The following AFDN variants were observed in gnomAD, a reference collection of about 807,000 sequenced individuals.
The protein encoded by AFDN is afadin.
In AFDN, 68 loss-of-function variants were observed where a neutral mutation model predicts 216.6. The observed-to-expected ratio is 0.31, with a 90% CI of 0.26 to 0.38. AFDN has a LOEUF of 0.38. Among genes scored for constraint, AFDN ranks in the 10% least tolerant of loss-of-function variants. The pLI, the probability that AFDN is intolerant of heterozygous loss-of-function variation, is 1.00. For synonymous variants in AFDN, 868 were observed against 853.7 expected (o/e 1.02, Z -0.29); for missense variants, 2,136 against 2,342.0 (o/e 0.91, Z 1.82).
At chr6:167,947,503 T>C (rs1795459255) in intron 27 of AFDN, among the ~76,000 whole-genome samples, 1 of 152,134 alleles carries the variant, frequency 6.6e-6, no homozygotes, top group Non-Finnish European at 1.5e-5. Flanking sequence ...TTTTAAAGGG[T>C]TGTTAACAAA....
chr6:167,837,869 A>C (rs189664247), intron 1 of AFDN, among the ~76,000 whole-genome samples: 58 of 152,356 alleles, frequency 3.8e-4, no homozygotes, highest in Non-Finnish European at 6.0e-4. Context: ...ATAGGAAAAT[A>C]ATATCCAAGT....
Position 167,948,517 on chromosome 6 carries a change from CAAG to C in AFDN, c.3831+40_3831+42del, listed in dbSNP as rs765256999. 52 of 1,571,002 alleles carry C rather than the reference CAAG, an allele frequency of 3.3e-5. No homozygotes were observed. In the East Asian group the frequency reaches 9.0e-4, roughly 27 times the overall value. ...GATTCCACACACTTTTCTCACCTCTCAAGGAGGACACACTGAGTTCTGAGACAC... is the reference window on the plus strand; with the variant it reads ...GATTCCACACACTTTTCTCACCTCTCGAGGACACACTGAGTTCTGAGACAC... On this transcript the variant is annotated intron_variant, in intron 29 of 33. Transcript: ENST00000683244.
intron 26 of AFDN, among the ~76,000 whole-genome samples, chr6:167,946,173 CTTAG>C (rs1250556256): frequency 2.0e-5 from 3 of 152,186 alleles, no homozygotes; most frequent in Admixed American, 6.5e-5. Context: ...TGTCTAATTT[CTTAG>C]TTAGTGGTCA....
At chr6:167,903,328 T>C (rs1789227741) in intron 12 of AFDN, among the ~76,000 whole-genome samples, 1 of 152,234 alleles carries the variant, frequency 6.6e-6, no homozygotes, top group South Asian at 2.1e-4. Context: ...TGGTAGCCAG[T>C]GGCTGGAGTG....
intron 29 of AFDN, among the ~76,000 whole-genome samples, chr6:167,950,839 AGCTTTGCT>A (rs1405942468): frequency 1.3e-5 from 2 of 149,488 alleles, no homozygotes; most frequent in African/African-American, 4.9e-5. Context: ...GAGAAAGTAC[AGCTTTGCT>A]TTTTTGCTTT....
chr6:167,834,953 C>G (rs775193101), intron 1 of AFDN, among the ~76,000 whole-genome samples: 4 of 152,168 alleles, frequency 2.6e-5, no homozygotes, highest in Admixed American at 6.5e-5. Flanking sequence ...CTGCACTGCA[C>G]TGCAGCCTGG....
chr6:167,865,632 A>C (rs2128231563), intron 2 of AFDN, among the ~76,000 whole-genome samples: 1 of 152,282 alleles, frequency 6.6e-6, no homozygotes, highest in South Asian at 2.1e-4. Flanking sequence ...TAATAAAATG[A>C]AATGTAGAAA....
At chr6:167,895,965 A>G (rs1041428816) in intron 9 of AFDN, among the ~76,000 whole-genome samples, 3 of 152,160 alleles carry the variant, frequency 2.0e-5, no homozygotes, top group Non-Finnish European at 4.4e-5. Context: ...CAGTTACATC[A>G]TCATTCATGG....
chr6:167,875,330 TACAG>T lies in AFDN; in HGVS notation c.579-4_579-1del. On this transcript the variant is annotated splice_acceptor_variant and splice_polypyrimidine_tract_variant and intron_variant, in intron 4 of 33. Transcript: ENST00000683244. LOFTEE classifies it high-confidence loss of function. The stretch of plus-strand genomic sequence containing the variant: ...AAATATTTTTGGTATTTTTTTTTCT[TACAG>T]TGAAAATTCTCGACTGGCTGCTGAG... The T allele has an allele frequency of 1.3e-6, 2 of 1,599,060 alleles. No individual in the cohort carries two copies. The highest frequency in any genetic ancestry group is 3.6e-5 in the Admixed American group (2 of 55,668).
chr6:167,863,026 AC>A (rs1783770479), intron 1 of AFDN, among the ~76,000 whole-genome samples: 1 of 152,196 alleles, frequency 6.6e-6, no homozygotes, highest in African/African-American at 2.4e-5. Context: ...TTACTGTCTC[AC>A]TTTTTTGTTT....
Position 167,951,869 on chromosome 6 carries a change from T to C in AFDN, c.4515T>C (p.Ile1505=), listed in dbSNP as rs1203802161. The change falls in exon 30 of 34, where the codon ATT becomes ATC. Residue 1505 remains isoleucine, a synonymous_variant. Transcript: ENST00000683244. This position sits in a 1 kb window ranked among gnomAD's most constrained non-coding sequence, Gnocchi z 7.1. The part of the protein sequence containing the change: ...RTIERRDLQY[I]TVSKEELSSG... ...TCGAGCGCAGAGACTTGCAGTACAT[T>C]ACAGTCAGCAAAGAGGAGCTTTCCT... The C allele has an allele frequency of 6.2e-7, 1 of 1,613,944 alleles. No homozygotes were observed. Among genetic ancestry groups the C allele is most frequent in the East Asian group, 2.2e-5 (1 of 44,850 alleles).
intron 4 of AFDN, among the ~76,000 whole-genome samples, chr6:167,873,820 C>CT (rs34419237): frequency 6.6e-6 from 1 of 152,292 alleles, no homozygotes; most frequent in South Asian, 2.1e-4. Flanking sequence ...CTGTCCAAGG[C>CT]TTTTTCCCAT....
intron 21 of AFDN, among the ~76,000 whole-genome samples, chr6:167,919,888 CGTAG>C (rs1282378497): frequency 6.6e-6 from 1 of 152,064 alleles, no homozygotes; most frequent in Non-Finnish European, 1.5e-5. Context: ...GTTTTATGCC[CGTAG>C]GTATATAAAT....
chr6:167,888,023 G>T (rs1460887143), intron 6 of AFDN, among the ~76,000 whole-genome samples: 2 of 152,110 alleles, frequency 1.3e-5, no homozygotes, highest in African/African-American at 4.8e-5. Flanking sequence ...ATGAAAGTTG[G>T]GGCAGGAGGG....
Position 167,911,494 on chromosome 6 carries a change from G to T in AFDN, c.2037+5G>T. ...ATGATGGAGGGTGTCATCCAGGTAC[G>T]TTCCAGCCGGCCAGCCATGCTCCTC... On this transcript the variant is annotated splice_donor_5th_base_variant and intron_variant, in intron 15 of 33. Coordinates refer to ENST00000683244, the MANE Select transcript of AFDN (RefSeq NM_001386888.1). The T allele has an allele frequency of 6.2e-7, 1 of 1,613,740 alleles. No individual in the cohort carries two copies. Among genetic ancestry groups the T allele is most frequent in the Non-Finnish European group, 8.5e-7 (1 of 1,179,744 alleles).
At chr6:167,844,149 A>G (rs1407518063) in intron 1 of AFDN, among the ~76,000 whole-genome samples, 1 of 148,812 alleles carries the variant, frequency 6.7e-6, no homozygotes, top group Non-Finnish European at 1.5e-5. Context: ...TGTCTTTCCC[A>G]GTTTTGCTCT....
chr6:167,892,793 A>C (rs1787773604), intron 8 of AFDN, among the ~76,000 whole-genome samples: 1 of 152,196 alleles, frequency 6.6e-6, no homozygotes, highest in Non-Finnish European at 1.5e-5. Flanking sequence ...ATAGTCTCTC[A>C]GGTAATCAAA....
At chr6:167,832,102 A>G (rs747170610) in intron 1 of AFDN, among the ~76,000 whole-genome samples, 1 of 152,170 alleles carries the variant, frequency 6.6e-6, no homozygotes, top group Non-Finnish European at 1.5e-5. Context: ...AGTATATAGG[A>G]TATACCCATT....
rs749747137 is a variant in AFDN at position 167,898,404 on chromosome 6, A to G, written c.1517A>G (p.His506Arg). Reference protein sequence around the residue: ...VFKFVDPSQDHALAKRSVDGG... With the variant: ...VFKFVDPSQDRALAKRSVDGG... The stretch of plus-strand genomic sequence containing the variant: ...AAGTTTGTGGACCCCAGTCAGGATC[A>G]TGCTCTTGCAAAAAGATCTGTGGAT... Residue 506 changes from histidine to arginine, a missense_variant, in exon 11 of 34, where the codon CAT becomes CGT. This residue lies in a region of AFDN where 817 missense variants were observed against 965.7 expected (regional missense o/e 0.85). Coordinates refer to ENST00000683244, the MANE Select transcript of AFDN (RefSeq NM_001386888.1). 2 of 1,614,240 alleles carry G rather than the reference A, an allele frequency of 1.2e-6. No homozygotes were observed. Among genetic ancestry groups the G allele is most frequent in the Non-Finnish European group, 1.7e-6 (2 of 1,180,038 alleles).
Sources: allele counts gnomAD v4.1 joint callset (sites outside exome capture counted in the v4.1 genomes callset), GRCh38; gene constraint gnomAD v4.1.1; regional missense constraint gnomAD v4.1.1; non-coding constraint Gnocchi (gnomAD v3.1); transcripts MANE v1.5; gene names NCBI Gene and HGNC (gene_info 2026-07-23, HGNC 2026-07-21).